The following NDUFA10 variants were observed in gnomAD, a reference collection of about 807,000 sequenced individuals.
NDUFA10 encodes NADH dehydrogenase [ubiquinone] 1 alpha subcomplex subunit 10, mitochondrial.
Under a neutral mutation model 47.8 loss-of-function variants are expected in NDUFA10, and 40 were observed. The observed-to-expected ratio is 0.84, with a 90% CI of 0.65 to 1.09. The LOEUF is 1.09. Ranked by LOEUF, NDUFA10 falls within the 50% of genes least tolerant of loss-of-function variation. NDUFA10 has a pLI of 0.00. For missense variants in NDUFA10, 413 were observed against 451.1 expected, an observed-to-expected ratio of 0.92 and a Z score of 0.76; for synonymous variants, 183 against 172.2, an observed-to-expected ratio of 1.06 and a Z score of -0.49.
At position 239,914,961 on chromosome 2, in the gene NDUFA10, A is replaced by C. The variant is rs1046786329; in HGVS notation, c.295-19647T>G. Among the ~76,000 whole-genome samples, 27 of 149,892 alleles carry C rather than the reference A, an allele frequency of 1.8e-4. 2 individuals are homozygous for C. Among genetic ancestry groups the C allele is most frequent in the African/African-American group, 6.6e-4 (26 of 39,474 alleles). On this transcript the variant is annotated intron_variant, in intron 4 of 5. Coordinates refer to the NDUFA10 transcript ENST00000419408. Reference sequence around the variant, plus strand: ...GAGACACAGAGATATATAAACATACACACAGAACACACACACAGACACACA... The same window carrying C: ...GAGACACAGAGATATATAAACATACCCACAGAACACACACACAGACACACA...
intron 9 of NDUFA10, among the ~76,000 whole-genome samples, chr2:239,980,374 C>T (rs971090710): frequency 2.0e-5 from 3 of 152,218 alleles, no homozygotes; most frequent in African/African-American, 7.2e-5. Flanking sequence ...ATGCCTGACT[C>T]TATCTCTGGG....
chr2:239,971,721 G>A (rs1695312722), intron 9 of NDUFA10, among the ~76,000 whole-genome samples: 1 of 152,168 alleles, frequency 6.6e-6, no homozygotes, highest in African/African-American at 2.4e-5. Context: ...ATCTTTTAAT[G>A]ATCAAGTCCA....
intron 6 of NDUFA10, 26 bp downstream of exon 6, chr2:240,011,590 TG>T (rs1349175231): frequency 9.5e-6 from 15 of 1,580,858 alleles, no homozygotes; most frequent in Non-Finnish European, 1.2e-5. Flanking sequence ...GTTTTAGCCC[TG>T]TAAATCAGTC....
At chr2:239,997,686 A>T (rs73009344) in intron 8 of NDUFA10, among the ~76,000 whole-genome samples, 3,196 of 152,362 alleles carry the variant, frequency 0.021, 46 homozygotes, top group Middle Eastern at 0.048. Flanking sequence ...AATCCAAGAG[A>T]TCTATTTTAA....
At chr2:239,893,518 G>A (rs1300948428) in intron 5 of NDUFA10, among the ~76,000 whole-genome samples, 1 of 152,218 alleles carries the variant, frequency 6.6e-6, no homozygotes, top group Non-Finnish European at 1.5e-5. Flanking sequence ...GATCAGGGTA[G>A]GTCTGGTGTC....
chr2:239,911,891 G>A (rs1430691271), intron 4 of NDUFA10, among the ~76,000 whole-genome samples: 4 of 151,996 alleles, frequency 2.6e-5, no homozygotes, highest in Non-Finnish European at 4.4e-5. Context: ...AGGAAGTGGG[G>A]GAGGCACCGA....
chr2:239,920,829 G>T (rs955934330), intron 4 of NDUFA10, among the ~76,000 whole-genome samples: 1 of 152,188 alleles, frequency 6.6e-6, no homozygotes, highest in African/African-American at 2.4e-5. Context: ...GATGAACACA[G>T]TTCCTAGAAG....
intron 8 of NDUFA10, among the ~76,000 whole-genome samples, chr2:239,990,974 C>A (rs1696221505): frequency 6.6e-6 from 1 of 151,982 alleles, no homozygotes; most frequent in Non-Finnish European, 1.5e-5. Flanking sequence ...TTATTTTCAA[C>A]AGTCACATTC....
chr2:239,897,621 C>T (rs944629224), intron 4 of NDUFA10, among the ~76,000 whole-genome samples: 8 of 152,202 alleles, frequency 5.3e-5, no homozygotes, highest in African/African-American at 1.9e-4. Context: ...CGAAGAGAGT[C>T]CCAGGCTTCC....
chr2:240,005,383 C>G, intron 7 of NDUFA10, 88 bp from the exon 8 acceptor site: 1 of 1,077,992 alleles, frequency 9.3e-7, no homozygotes, highest in Non-Finnish European at 1.4e-6. Context: ...GGGTCCGGCT[C>G]TATCATCCAG....
intron 4 of NDUFA10, among the ~76,000 whole-genome samples, chr2:239,947,681 T>A (rs776972085): frequency 2.0e-4 from 31 of 152,184 alleles, no homozygotes; most frequent in Non-Finnish European, 4.3e-4. Flanking sequence ...CCGGCCTTCC[T>A]GCTGCCGTGA....
At chr2:239,919,756 C>T (rs1376996600) in intron 4 of NDUFA10, among the ~76,000 whole-genome samples, 1 of 152,202 alleles carries the variant, frequency 6.6e-6, no homozygotes, top group Non-Finnish European at 1.5e-5. Flanking sequence ...AGGGCTTCTC[C>T]ACCTGCAGCC....
chr2:239,989,855 G>C (rs555638304), intron 9 of NDUFA10, among the ~76,000 whole-genome samples: 11 of 152,340 alleles, frequency 7.2e-5, no homozygotes, highest in African/African-American at 2.6e-4. Context: ...CCTTCCAGAA[G>C]AACATCTCTG....
intron 9 of NDUFA10, among the ~76,000 whole-genome samples, chr2:239,962,278 C>T (rs928223240): frequency 6.6e-6 from 1 of 151,942 alleles, no homozygotes; most frequent in Non-Finnish European, 1.5e-5. Context: ...GGTACTAAAA[C>T]CATTTTTAAA....
At chr2:239,968,175 G>T (rs1695159054) in intron 9 of NDUFA10, among the ~76,000 whole-genome samples, 1 of 152,180 alleles carries the variant, frequency 6.6e-6, no homozygotes, top group Non-Finnish European at 1.5e-5. Context: ...GGTGATGGAG[G>T]GCGAAAAGGG....
chr2:239,944,983 G>A (rs910335327), intron 4 of NDUFA10, among the ~76,000 whole-genome samples: 1 of 151,330 alleles, frequency 6.6e-6, no homozygotes, highest in Non-Finnish European at 1.5e-5. Context: ...ACACAGCCAT[G>A]GGGGTGACTT....
chr2:239,895,410 A>G, intron 4 of NDUFA10: 1 of 243,606 alleles, frequency 4.1e-6, no homozygotes. Flanking sequence ...CCACACTCAT[A>G]GGTTCTGAAG....
At chr2:239,915,941 C>CAAATAT (rs1693862675) in intron 4 of NDUFA10, among the ~76,000 whole-genome samples, 1 of 145,020 alleles carries the variant, frequency 6.9e-6, no homozygotes, top group African/African-American at 2.6e-5. Context: ...CAGACAGACA[C>CAAATAT]AGAGAGACAC....
chr2:239,955,919 C>T (rs1405473224), downstream of NDUFA10, among the ~76,000 whole-genome samples: 7 of 152,140 alleles, frequency 4.6e-5, no homozygotes, highest in Admixed American at 1.3e-4. Context: ...GAGTCAGAGA[C>T]GGCGCAGGCT....
Sources: gnomAD v4.1 joint callset for allele counts (sites outside exome capture counted in the v4.1 genomes callset) on GRCh38, gnomAD v4.1.1 for gene constraint, MANE v1.5 for transcripts, NCBI Gene and HGNC (gene_info 2026-07-23, HGNC 2026-07-21) for gene names.